The following FIGN variants were observed in gnomAD, a reference collection of about 807,000 sequenced individuals.
FIGN encodes the protein fidgetin.
A neutral mutation model predicts 51.3 loss-of-function variants in FIGN; 11 were observed. The observed-to-expected ratio is 0.21, with a 90% CI of 0.13 to 0.35. The LOEUF (loss-of-function observed/expected upper bound fraction) is 0.35, where lower values mean the gene tolerates loss of function less well. Among genes scored for constraint, FIGN ranks in the 10% least tolerant of loss-of-function variants. FIGN has a pLI of 1.00. For missense variants in FIGN, 857 were observed against 943.6 expected, an observed-to-expected ratio of 0.91 and a Z score of 1.20; for synonymous variants, 407 against 363.2, an observed-to-expected ratio of 1.12 and a Z score of -1.37.
chr2:163,706,255 T>C (rs1684497722), intron 2 of FIGN, among the ~76,000 whole-genome samples: 1 of 152,194 alleles, frequency 6.6e-6, no homozygotes, highest in South Asian at 2.1e-4. Context: ...ACTATTATTA[T>C]TTCTAAATGG....
intron 2 of FIGN, among the ~76,000 whole-genome samples, chr2:163,637,282 C>G (rs927042474): frequency 2.0e-5 from 3 of 152,060 alleles, no homozygotes; most frequent in Non-Finnish European, 4.4e-5. Context: ...GAAAAGAGAC[C>G]ATGCATTCTA....
At chr2:163,632,634 A>T (rs1177576861) in intron 2 of FIGN, among the ~76,000 whole-genome samples, 2 of 152,178 alleles carry the variant, frequency 1.3e-5, no homozygotes, top group African/African-American at 4.8e-5. Context: ...CTTCCTTGAA[A>T]GTTTGTTCAG....
intron 2 of FIGN, among the ~76,000 whole-genome samples, chr2:163,729,153 T>C (rs957162201): frequency 6.6e-6 from 1 of 152,122 alleles, no homozygotes; most frequent in African/African-American, 2.4e-5. Flanking sequence ...AAGCATCCAG[T>C]TGACATAAGG....
chr2:163,607,671 T>G lies in FIGN; in HGVS notation c.*1881A>C, dbSNP rs907871587. On this transcript the variant is annotated 3_prime_UTR_variant, in exon 3 of 3. Coordinates refer to ENST00000333129, the MANE Select transcript of FIGN (RefSeq NM_018086.4). ...TTAAAAATGTACATCACTTATTTAT[T>G]GAATACATAAAATGCCAGTGCTTTG... 2.0e-5 allele frequency: 3 copies of G among 152,604 alleles called. No individual in the cohort carries two copies. Among genetic ancestry groups the G allele is most frequent in the Non-Finnish European group, 4.4e-5 (3 of 68,040 alleles). The allele number at this position is 152,604 out of a possible 1,614,324, so 9.5% of individuals were successfully genotyped here.
chr2:163,650,587 G>T (rs1683457681), intron 2 of FIGN, among the ~76,000 whole-genome samples: 1 of 150,790 alleles, frequency 6.6e-6, no homozygotes, highest in Admixed American at 6.6e-5. Flanking sequence ...TCCCCTCCCT[G>T]TGTCCATGTG....
chr2:163,624,988 CTT>C (rs900364747), intron 2 of FIGN, among the ~76,000 whole-genome samples: 1 of 151,882 alleles, frequency 6.6e-6, no homozygotes. Flanking sequence ...GCAATAATCT[CTT>C]TTTTTCTATT....
At position 163,619,806 on chromosome 2, in the gene FIGN, T is replaced by C. The variant is rs1426110079; in HGVS notation, c.26-8000A>G. 2.0e-5 allele frequency among the ~76,000 whole-genome samples: 3 copies of C among 152,152 alleles called. No homozygotes were observed. The East Asian group carries it at 5.8e-4, about 29-fold the overall frequency. On this transcript the variant is annotated intron_variant, in intron 2 of 2. Coordinates refer to ENST00000333129, the MANE Select transcript of FIGN (RefSeq NM_018086.4). ...TGATCATAATTCAAACAAGTAATTTTTCCCTTAAAATTTCCTATACTTAAA... is the reference window on the plus strand; with the variant it reads ...TGATCATAATTCAAACAAGTAATTTCTCCCTTAAAATTTCCTATACTTAAA...
intron 2 of FIGN, among the ~76,000 whole-genome samples, chr2:163,708,038 G>A (rs536780928): frequency 6.6e-6 from 1 of 152,194 alleles, no homozygotes; most frequent in African/African-American, 2.4e-5. Context: ...AAGTTTCTGT[G>A]AAGAGATAAT....
intron 2 of FIGN, among the ~76,000 whole-genome samples, chr2:163,692,831 G>A (rs568873804): frequency 6.6e-6 from 1 of 152,338 alleles, no homozygotes; most frequent in African/African-American, 2.4e-5. Context: ...TACGACCTCT[G>A]TACCAGAGAG....
chr2:163,648,534 T>A (rs1311308411), intron 2 of FIGN, among the ~76,000 whole-genome samples: 1 of 152,208 alleles, frequency 6.6e-6, no homozygotes, highest in African/African-American at 2.4e-5. Flanking sequence ...CCTGTGTCTG[T>A]AAACCCCTTG....
At chr2:163,615,514 A>G (rs1476855956) in intron 2 of FIGN, among the ~76,000 whole-genome samples, 1 of 152,180 alleles carries the variant, frequency 6.6e-6, no homozygotes, top group Non-Finnish European at 1.5e-5. Context: ...TTCTGATATG[A>G]AATGGAACAA....
chr2:163,634,080 G>A (rs1166102511), intron 2 of FIGN, among the ~76,000 whole-genome samples: 6 of 132,616 alleles, frequency 4.5e-5, no homozygotes, highest in Admixed American at 2.4e-4. Flanking sequence ...TTTTCTGTAC[G>A]TATGTATGCG....
intron 2 of FIGN, among the ~76,000 whole-genome samples, chr2:163,706,679 C>A (rs1339805508): frequency 2.6e-5 from 4 of 152,102 alleles, no homozygotes; most frequent in Admixed American, 2.6e-4. Flanking sequence ...ACTGCATATG[C>A]TTTTGGTTTG....
Position 163,648,831 on chromosome 2 carries a change from T to C in FIGN, c.26-37025A>G, listed in dbSNP as rs181870695. Among the ~76,000 whole-genome samples the C allele has an allele frequency of 3.4e-3, 515 of 152,328 alleles. 3 individuals carry two copies. Among genetic ancestry groups the C allele is most frequent in the East Asian group, 0.021 (109 of 5,186 alleles). ...CCCATTCTTTTTACTCCAGTAACTTTTAGCTTGCAATTCTATTTATGAAGA... is the reference window on the plus strand; with the variant it reads ...CCCATTCTTTTTACTCCAGTAACTTCTAGCTTGCAATTCTATTTATGAAGA... On this transcript the variant is annotated intron_variant, in intron 2 of 2. Coordinates refer to ENST00000333129, the MANE Select transcript of FIGN (RefSeq NM_018086.4).
intron 2 of FIGN, among the ~76,000 whole-genome samples, chr2:163,670,268 G>C (rs1431867691): frequency 6.6e-6 from 1 of 152,172 alleles, no homozygotes; most frequent in Non-Finnish European, 1.5e-5. Context: ...TGGCAACTTT[G>C]AGTTAGAATA....
At chr2:163,612,768 ATT>A (rs1491497575) in intron 2 of FIGN, among the ~76,000 whole-genome samples, 5 of 130,964 alleles carry the variant, frequency 3.8e-5, no homozygotes, top group African/African-American at 1.5e-4. Context: ...ATATATATAT[ATT>A]ATATATGAGA....
chr2:163,610,556 C>G lies in FIGN; in HGVS notation c.1276G>C (p.Val426Leu), dbSNP rs759535055. 1 of 1,614,194 alleles carries G rather than the reference C, an allele frequency of 6.2e-7. No individual in the cohort carries two copies. Among genetic ancestry groups the G allele is most frequent in the Non-Finnish European group, 8.5e-7 (1 of 1,180,034 alleles). The change falls in exon 3 of 3, where the codon GTA (valine) becomes CTA (leucine). Residue 426 changes from valine to leucine, a missense_variant. Val to Leu is a conservative substitution (Grantham distance 32). Coordinates refer to ENST00000333129, the MANE Select transcript of FIGN (RefSeq NM_018086.4). ...SESFGKYTSP[V>L]MSEHGDEHRQ... ...TGCTCGTCCCCATGCTCACTCATTA[C>G]TGGCGATGTGTACTTCCCAAAGGAT...
Position 163,702,719 on chromosome 2 carries a change from C to A in FIGN, c.25+32184G>T, listed in dbSNP as rs117335725. ...AATGAACTCTAACTTGACTATTTAG[C>A]GATTCACTATTTAGCAATTTGCTAT... On this transcript the variant is annotated intron_variant, in intron 2 of 2. Coordinates refer to ENST00000333129, the MANE Select transcript of FIGN (RefSeq NM_018086.4). 8.0e-4 allele frequency among the ~76,000 whole-genome samples: 122 copies of A among 152,180 alleles called. 2 individuals are homozygous for A. The East Asian group carries it at 0.019, about 24-fold the overall frequency.
intron 2 of FIGN, among the ~76,000 whole-genome samples, chr2:163,684,939 A>ATTTTTTTTTT (rs548647272): frequency 6.7e-5 from 8 of 119,450 alleles, no homozygotes; most frequent in African/African-American, 1.2e-4. Context: ...ATGCCTGGCT[A>ATTTTTTTTTT]TTTTTTTTTT....
Sources: allele counts gnomAD v4.1 joint callset (sites outside exome capture counted in the v4.1 genomes callset), GRCh38; gene constraint gnomAD v4.1.1; transcripts MANE v1.5; gene names NCBI Gene and HGNC (gene_info 2026-07-23, HGNC 2026-07-21).